Variants in PPP2R2D observed in about 807,000 individuals in gnomAD.
The protein encoded by PPP2R2D is serine/threonine-protein phosphatase 2A 55 kDa regulatory subunit B delta isoform.
Under a neutral mutation model 31.1 loss-of-function variants are expected in PPP2R2D, and 9 were observed. That is an observed-to-expected ratio of 0.29 (90% CI 0.17 to 0.51). The LOEUF (loss-of-function observed/expected upper bound fraction) is 0.51, where lower values mean the gene tolerates loss of function less well. Ranked by LOEUF, PPP2R2D falls within the 20% of genes least tolerant of loss-of-function variation. PPP2R2D has a pLI of 0.98. For missense variants in PPP2R2D, 391 were observed against 465.6 expected (o/e 0.84, Z 1.48); for synonymous variants, 179 against 172.6 (o/e 1.04, Z -0.29).
At chr10:131,944,697 C>G (rs1482041481) in intron 6 of PPP2R2D, among the ~76,000 whole-genome samples, 1 of 152,192 alleles carries the variant, frequency 6.6e-6, no homozygotes, top group Non-Finnish European at 1.5e-5. Context: ...GTGGCTTGAG[C>G]TGGGGTTCCA....
In PPP2R2D at chr10:131,901,047, C is replaced by CGGCGGCGGCGGCGGCGG. The variant is rs2035482348; in HGVS notation, c.-102_-101insGGCGGCGGCGGCGGCGG. The CGGCGGCGGCGGCGGCGG allele has an allele frequency of 1.4e-5, 2 of 147,638 alleles. No homozygotes were observed. The highest frequency in any genetic ancestry group is 2.2e-4 in the South Asian group (1 of 4,636). The allele number at this position is 147,638 out of a possible 1,614,324, so 9.1% of individuals were successfully genotyped here. On this transcript the variant is annotated 5_prime_UTR_variant, in exon 1 of 9. Transcript: ENST00000455566. ...GGCGGCGGCGGCGGCGGCGGCGGCGCCGGCGGTGGTGGCGGCCCCGGGGCT... is the reference window on the plus strand; with the variant it reads ...GGCGGCGGCGGCGGCGGCGGCGGCGCGGCGGCGGCGGCGGCGGCGGCGGTGGTGGCGGCCCCGGGGCT...
At chr10:131,927,684 A>T (rs886976304) in intron 2 of PPP2R2D, among the ~76,000 whole-genome samples, 12 of 152,106 alleles carry the variant, frequency 7.9e-5, no homozygotes, top group Admixed American at 5.9e-4. Context: ...GGCATCGCAC[A>T]TCGGACACCC....
intron 8 of PPP2R2D, among the ~76,000 whole-genome samples, chr10:131,952,025 G>A (rs1554898832): frequency 6.6e-6 from 1 of 151,704 alleles, no homozygotes; most frequent in Non-Finnish European, 1.5e-5. Context: ...TGACTTGCGG[G>A]TGTGCAGGGG....
chr10:131,949,447 GTC>G (rs782062832), intron 8 of PPP2R2D, among the ~76,000 whole-genome samples: 3 of 152,112 alleles, frequency 2.0e-5, no homozygotes, highest in Non-Finnish European at 4.4e-5. Context: ...GCACACCCAG[GTC>G]TCTCTGGATT....
chr10:131,954,300 A>G (rs1554899567), intron 8 of PPP2R2D, among the ~76,000 whole-genome samples: 1 of 152,250 alleles, frequency 6.6e-6, no homozygotes, highest in African/African-American at 2.4e-5. Flanking sequence ...GCCATACATC[A>G]TCTGTCGTCT....
At chr10:131,909,985 T>G (rs1399510099) in intron 2 of PPP2R2D, among the ~76,000 whole-genome samples, 1 of 152,246 alleles carries the variant, frequency 6.6e-6, no homozygotes, top group Non-Finnish European at 1.5e-5. Flanking sequence ...AGGTGACGGC[T>G]GGATTCTCAG....
intron 2 of PPP2R2D, among the ~76,000 whole-genome samples, chr10:131,928,026 T>A (rs1554895179): frequency 6.6e-6 from 1 of 152,212 alleles, no homozygotes; most frequent in Non-Finnish European, 1.5e-5. Flanking sequence ...TCAGAGTTGC[T>A]GTACCCATGT....
At chr10:131,927,025 G>C (rs1490120887) in intron 2 of PPP2R2D, among the ~76,000 whole-genome samples, 1 of 152,228 alleles carries the variant, frequency 6.6e-6, no homozygotes, top group Admixed American at 6.5e-5. Flanking sequence ...TGCCTAGCTT[G>C]GGTCATCCCG....
chr10:131,924,929 A>C (rs1448581822), intron 2 of PPP2R2D, among the ~76,000 whole-genome samples: 3 of 151,978 alleles, frequency 2.0e-5, no homozygotes, highest in African/African-American at 7.3e-5. Flanking sequence ...TTGTAAACAG[A>C]GTTGTTTTCT....
intron 3 of PPP2R2D, among the ~76,000 whole-genome samples, chr10:131,935,773 A>G (rs1345026038): frequency 6.6e-6 from 1 of 152,196 alleles, no homozygotes; most frequent in African/African-American, 2.4e-5. Context: ...CTTAAGAACC[A>G]TATACCTTGG....
rs1554901086 is a variant in PPP2R2D, at chr10:131,959,475, G to A, written c.*3512G>A. 1.3e-5 allele frequency: 2 copies of A among 158,368 alleles called. 1 individual carries two copies. Among genetic ancestry groups the A allele is most frequent in the Non-Finnish European group, 2.8e-5 (2 of 72,680 alleles). The allele number at this position is 158,368 out of a possible 1,614,324, so 9.8% of individuals were successfully genotyped here. ...TGTGCTGATCCCCGGTCCCCCTGTG[G>A]AGATGAAGGTGTGTGTTGATCCCCC... On this transcript the variant is annotated 3_prime_UTR_variant, in exon 9 of 9. Coordinates refer to ENST00000455566, the MANE Select transcript of PPP2R2D (RefSeq NM_018461.5).
At chr10:131,960,230 C>T (rs543131881), downstream of PPP2R2D, among the ~76,000 whole-genome samples, 6 of 152,368 alleles carry the variant, frequency 3.9e-5, no homozygotes, top group African/African-American at 1.2e-4. Flanking sequence ...GTGCCCTCAA[C>T]AGGTGCGGAG....
rs782195824 is a variant in PPP2R2D at position 131,925,924 on chromosome 10, G to A, written c.101-8534G>A. On this transcript the variant is annotated intron_variant, in intron 2 of 8. Transcript: ENST00000455566. ...TGCATATTCCTAGTGGCTCCGCCCCGTTTTTCAGCGCACACACAGGCCCTT... is the reference window on the plus strand; with the variant it reads ...TGCATATTCCTAGTGGCTCCGCCCCATTTTTCAGCGCACACACAGGCCCTT... Among the ~76,000 whole-genome samples, 4 of 152,272 alleles carry A rather than the reference G, an allele frequency of 2.6e-5. 1 individual carries two copies. The highest frequency in any genetic ancestry group is 2.9e-5 in the Non-Finnish European group (2 of 68,028).
At position 131,926,581 on chromosome 10, in the gene PPP2R2D, C is replaced by G. The variant is rs78632558; in HGVS notation, c.101-7877C>G. 6.0e-3 allele frequency among the ~76,000 whole-genome samples: 915 copies of G among 152,316 alleles called. 17 individuals are homozygous for G. Among genetic ancestry groups the G allele is most frequent in the African/African-American group, 0.021 (857 of 41,554 alleles). On this transcript the variant is annotated intron_variant, in intron 2 of 8. Transcript: ENST00000455566. The stretch of plus-strand genomic sequence containing the variant: ...GTCAGTTTGTCGTATCCAGAGTGCC[C>G]TGTTGCTGAGCTCACCGCCTGGCAG...
downstream of PPP2R2D, among the ~76,000 whole-genome samples, chr10:131,960,301 A>G (rs2036905837): frequency 6.6e-6 from 1 of 152,224 alleles, no homozygotes; most frequent in Admixed American, 6.5e-5. Flanking sequence ...GTTAATGCTG[A>G]GCACAGTTTT....
intron 2 of PPP2R2D, among the ~76,000 whole-genome samples, chr10:131,924,755 A>G (rs2036068779): frequency 6.6e-6 from 1 of 150,900 alleles, no homozygotes; most frequent in Admixed American, 6.6e-5. Flanking sequence ...ATTGTAGAAC[A>G]CTTTGGAGAT....
intron 2 of PPP2R2D, 46 bp downstream of exon 2, chr10:131,901,376 C>G: frequency 2.9e-6 from 1 of 350,592 alleles, no homozygotes; most frequent in South Asian, 1.3e-4. Context: ...GCGGACAGCT[C>G]CCAGCCCGGC....
intron 8 of PPP2R2D, among the ~76,000 whole-genome samples, chr10:131,953,748 T>A (rs1252815649): frequency 1.8e-5 from 2 of 112,680 alleles, no homozygotes; most frequent in East Asian, 3.3e-4. Context: ...TGTGCGGGGG[T>A]TCACTGTCTT....
chr10:131,948,016 G>A (rs2036573355), intron 8 of PPP2R2D, among the ~76,000 whole-genome samples: 2 of 152,228 alleles, frequency 1.3e-5, no homozygotes, highest in African/African-American at 4.8e-5. Flanking sequence ...TAGACAAGAA[G>A]TATAGCACTA....
Sources: gnomAD v4.1 joint callset for allele counts (sites outside exome capture counted in the v4.1 genomes callset) on GRCh38, gnomAD v4.1.1 for gene constraint, MANE v1.5 for transcripts, NCBI Gene and HGNC (gene_info 2026-07-23, HGNC 2026-07-21) for gene names.